The following SEMA3B variants were observed in gnomAD, a reference collection of about 807,000 sequenced individuals.
The protein encoded by SEMA3B is semaphorin-3B.
SEMA3B carries 71 observed loss-of-function variants against 77.8 expected under a neutral mutation model. That is an observed-to-expected ratio of 0.91 (90% CI 0.75 to 1.11). The LOEUF (loss-of-function observed/expected upper bound fraction) is 1.11, where lower values mean the gene tolerates loss of function less well. Ranked by LOEUF, SEMA3B falls within the 50% of genes most tolerant of loss-of-function variation. The pLI is 0.00. For missense variants in SEMA3B, 968 were observed against 1,056.8 expected, an observed-to-expected ratio of 0.92 and a Z score of 1.17; for synonymous variants, 470 against 452.9, an observed-to-expected ratio of 1.04 and a Z score of -0.48.
chr3:50,276,941 G>A lies in SEMA3B; in HGVS notation c.*235G>A. On this transcript the variant is annotated 3_prime_UTR_variant, in exon 17 of 17. Transcript: ENST00000616701. This position sits in a 1 kb window ranked among gnomAD's most constrained non-coding sequence, Gnocchi z 5.8. ...CACAGGTCGGGCGCAGGATTCAGCC[G>A]GAGGGAAGGGACGGGGAAGCCGAGC... The A allele has an allele frequency of 2.1e-6, 1 of 484,822 alleles. No individual in the cohort carries two copies. The highest frequency in any genetic ancestry group is 3.5e-6 in the Non-Finnish European group (1 of 287,050). The allele number at this position is 484,822 out of a possible 1,614,324, so 30.0% of individuals were successfully genotyped here. A position where few individuals can be genotyped will look rare whatever the true frequency, so the allele number is the denominator to read the frequency against.
intron 6 of SEMA3B, among the ~76,000 whole-genome samples, chr3:50,272,798 C>T (rs1553705576): frequency 2.0e-5 from 3 of 150,138 alleles, no homozygotes; most frequent in African/African-American, 7.4e-5. Flanking sequence ...GAGCCGAGAT[C>T]GAGCACTCCA....
intron 6 of SEMA3B, among the ~76,000 whole-genome samples, chr3:50,272,869 A>ATAAT (rs1169460186): frequency 6.7e-6 from 1 of 150,050 alleles, no homozygotes; most frequent in South Asian, 2.1e-4. Context: ...AATAATAATA[A>ATAAT]TAATAATAAT....
In SEMA3B at chr3:50,275,569, G is replaced by T. The variant is rs1244787554; in HGVS notation, c.1659G>T (p.Arg553=). The T allele has an allele frequency of 8.1e-6, 13 of 1,613,524 alleles. No homozygotes were observed. Among genetic ancestry groups the T allele is most frequent in the Non-Finnish European group, 1.1e-5 (13 of 1,179,890 alleles). ...CGGATGTTCCCCACAGGCGGTTCCG[G>T]CGGCAAGACGTAAGGAATGGCGACC... ...RFQPSAKRRF[R]RQDVRNGDPS... Residue 553 remains arginine (R), a synonymous_variant, in exon 15 of 17, where the codon CGG becomes CGT. Coordinates refer to ENST00000616701, the MANE Select transcript of SEMA3B (RefSeq NM_001290060.2). The surrounding 1 kb of genome is among the most constrained non-coding windows in gnomAD (Gnocchi z 7.5).
chr3:50,269,155 T>C lies in SEMA3B; in HGVS notation c.-86T>C. The C allele has an allele frequency of 2.0e-6, 2 of 1,024,528 alleles. No homozygotes were observed. The highest frequency in any genetic ancestry group is 5.2e-5 in the East Asian group (2 of 38,364). The allele number at this position is 1,024,528 out of a possible 1,614,324, so 63.5% of individuals were successfully genotyped here. A position where few individuals can be genotyped will look rare whatever the true frequency, so the allele number is the denominator to read the frequency against. ...CCCTCGCCCTCACTGCTGACTCCTC[T>C]TCCAGATCCTGGGGCAGAGTCCAGG... is the stretch of plus-strand genomic sequence containing the variant. On this transcript the variant is annotated 5_prime_UTR_variant, in exon 1 of 17. Transcript: ENST00000616701. The surrounding 1 kb of genome is among the most constrained non-coding windows in gnomAD (Gnocchi z 4.0).
At chr3:50,272,855 A>AATAATAAT (rs375252497) in intron 6 of SEMA3B, among the ~76,000 whole-genome samples, 3 of 145,584 alleles carry the variant, frequency 2.1e-5, no homozygotes, top group Non-Finnish European at 3.0e-5. Flanking sequence ...ATAAATAAAC[A>AATAATAAT]AATAATAATA....
rs1553705073 is a variant in SEMA3B at position 50,270,086 on chromosome 3, C to T, written c.110-41C>T. The T allele has an allele frequency of 1.3e-6, 2 of 1,495,030 alleles. No individual in the cohort carries two copies. Among genetic ancestry groups the T allele is most frequent in the Middle Eastern group, 2.3e-4 (1 of 4,328 alleles). The allele number at this position is 1,495,030 out of a possible 1,614,324, so 92.6% of individuals were successfully genotyped here. A position where few individuals can be genotyped will look rare whatever the true frequency, so the allele number is the denominator to read the frequency against. On this transcript the variant is annotated intron_variant, in intron 1 of 16. Coordinates refer to ENST00000616701, the MANE Select transcript of SEMA3B (RefSeq NM_001290060.2). This position sits in a 1 kb window ranked among gnomAD's most constrained non-coding sequence, Gnocchi z 4.7. ...CCAGGCAGGACCTGGGGGAGGCTTC[C>T]AGCATGGCTGGCGAGTCATCAGCAG...
chr3:50,263,314 ATAG>A, upstream of SEMA3B: 5 of 151,846 alleles, frequency 3.3e-5, no homozygotes, highest in African/African-American at 7.3e-5. Flanking sequence ...CCTGGGCAAC[ATAG>A]TGAGACCTCC....
upstream of SEMA3B, among the ~76,000 whole-genome samples, chr3:50,264,948 G>A (rs968651185): frequency 2.6e-5 from 4 of 152,266 alleles, no homozygotes; most frequent in Non-Finnish European, 2.9e-5. Flanking sequence ...GCGGGGGTAG[G>A]GCCACAGCCA....
Position 50,273,609 on chromosome 3 carries a change from G to T in SEMA3B, c.885G>T (p.Val295=). The T allele has an allele frequency of 6.2e-7, 1 of 1,612,624 alleles. No homozygotes were observed. The highest frequency in any genetic ancestry group is 8.5e-7 in the Non-Finnish European group (1 of 1,179,690). The change falls in exon 8 of 17, where the codon GTG becomes GTT. Residue 295 remains valine, a synonymous_variant. Coordinates refer to ENST00000616701, the MANE Select transcript of SEMA3B (RefSeq NM_001290060.2). This position sits in a 1 kb window ranked among gnomAD's most constrained non-coding sequence, Gnocchi z 6.5. ...TFLKARLVCS[V]PGVEGDTHFD... Reference sequence around the variant, plus strand: ...TGAAGGCGCGGCTGGTGTGCTCGGTGCCCGGCGTCGAGGGCGACACCCACT... The same window carrying T: ...TGAAGGCGCGGCTGGTGTGCTCGGTTCCCGGCGTCGAGGGCGACACCCACT...
At position 50,274,716 on chromosome 3, in the gene SEMA3B, C is replaced by A. The variant is rs987803192; in HGVS notation, c.1358-127C>A. On this transcript the variant is annotated intron_variant, in intron 11 of 16. Transcript: ENST00000616701. This position sits in a 1 kb window ranked among gnomAD's most constrained non-coding sequence, Gnocchi z 4.7. ...CTCCACCCTGTGGATGCTGCCCAAC[C>A]CACACTCTTCCAGTCCACACTCTTC... The A allele has an allele frequency of 7.2e-7, 1 of 1,384,172 alleles. No homozygotes were observed. The highest frequency in any genetic ancestry group is 1.0e-6 in the Non-Finnish European group (1 of 1,004,916). The allele number at this position is 1,384,172 out of a possible 1,614,324, so 85.7% of individuals were successfully genotyped here. A position where few individuals can be genotyped will look rare whatever the true frequency, so the allele number is the denominator to read the frequency against.
Position 50,275,833 on chromosome 3 carries a change from G to T in SEMA3B, c.1834G>T (p.Ala612Ser). Reference sequence around the variant, plus strand: ...GACTTTCCAGCGCGCAGGGGTGACAGCCCACACCCAGGTGAGCCTTACTCC... The same window carrying T: ...GACTTTCCAGCGCGCAGGGGTGACATCCCACACCCAGGTGAGCCTTACTCC... Reference protein sequence around the residue: ...EWTFQRAGVTAHTQVLAEERT... With the variant: ...EWTFQRAGVTSHTQVLAEERT... Residue 612 changes from alanine to serine, a missense_variant, in exon 16 of 17, where the codon GCC becomes TCC. Ala to Ser is a moderately conservative substitution (Grantham distance 99, BLOSUM62 1). Coordinates refer to ENST00000616701, the MANE Select transcript of SEMA3B (RefSeq NM_001290060.2). The surrounding 1 kb of genome is among the most constrained non-coding windows in gnomAD (Gnocchi z 7.5). 6.2e-7 allele frequency: 1 copy of T among 1,603,222 alleles called. No homozygotes were observed.
the SEMA3B span, chr3:50,261,127 C>G: frequency 6.6e-6 from 1 of 152,274 alleles, no homozygotes; most frequent in Admixed American, 6.5e-5. Flanking sequence ...ATTCATCAAC[C>G]CTCAGGAGCA....
rs1213032248 is a variant in SEMA3B, at chr3:50,270,022, G to T, written c.110-105G>T. 5 of 1,260,322 alleles carry T rather than the reference G, an allele frequency of 4.0e-6. No homozygotes were observed. The African/African-American group carries it at 4.5e-5, about 11-fold the overall frequency. 78.1% of individuals were successfully genotyped at this position (1,260,322 alleles called of 1,614,324 possible). ...CACATGTAAACTCACATGTGTACAG[G>T]CCAGGTCCTAATGGCAACCTTGGCC... is the stretch of plus-strand genomic sequence containing the variant. On this transcript the variant is annotated intron_variant, in intron 1 of 16. Coordinates refer to ENST00000616701, the MANE Select transcript of SEMA3B (RefSeq NM_001290060.2). The surrounding 1 kb of genome is among the most constrained non-coding windows in gnomAD (Gnocchi z 4.7).
Position 50,270,387 on chromosome 3 carries a change from T to C in SEMA3B, c.268-46T>C, listed in dbSNP as rs1701014515. On this transcript the variant is annotated intron_variant, in intron 2 of 16. Coordinates refer to ENST00000616701, the MANE Select transcript of SEMA3B (RefSeq NM_001290060.2). The surrounding 1 kb of genome is among the most constrained non-coding windows in gnomAD (Gnocchi z 4.7). ...GAATGGCTCCCTGAGGTAGAGAATA[T>C]CCCAAGTTCCTGACCTGTGTCCCCT... The C allele has an allele frequency of 6.2e-7, 1 of 1,612,416 alleles. No individual in the cohort carries two copies. Among genetic ancestry groups the C allele is most frequent in the Non-Finnish European group, 8.5e-7 (1 of 1,178,888 alleles).
At position 50,273,089 on chromosome 3, in the gene SEMA3B, C is replaced by A; in HGVS notation, c.665-209C>A. On this transcript the variant is annotated intron_variant, in intron 6 of 16. Transcript: ENST00000616701. The surrounding 1 kb of genome is among the most constrained non-coding windows in gnomAD (Gnocchi z 6.5). ...CCAGGTAGCCACGGTCTCTGCTGCC[C>A]CCTCGCGGCTGCTTCTTGCCTCGCA... 1.4e-6 allele frequency: 1 copy of A among 711,008 alleles called. No individual in the cohort carries two copies. The highest frequency in any genetic ancestry group is 3.0e-5 in the East Asian group (1 of 32,996). 44.0% of individuals were successfully genotyped at this position (711,008 alleles called of 1,614,324 possible).
rs2269431 is a variant in SEMA3B, at chr3:50,273,890, C to T, written c.993-23C>T. 1.9e-3 allele frequency: 3,031 copies of T among 1,585,360 alleles called. 121 individuals are homozygous for T. In the East Asian group the frequency reaches 0.062, roughly 32 times the overall value. On this transcript the variant is annotated intron_variant, in intron 9 of 16. Transcript: ENST00000616701. This position sits in a 1 kb window ranked among gnomAD's most constrained non-coding sequence, Gnocchi z 6.5. ...CGCTGGGCTCCACCCGGCCCCTCACCTCGCCCTGGTCTTCGCCTCCAGCAG... is the reference window on the plus strand; with the variant it reads ...CGCTGGGCTCCACCCGGCCCCTCACTTCGCCCTGGTCTTCGCCTCCAGCAG...
At position 50,270,421 on chromosome 3, in the gene SEMA3B, A is replaced by T. The variant is rs782045753; in HGVS notation, c.268-12A>T. The stretch of plus-strand genomic sequence containing the variant: ...CCTGACCTGTGTCCCCTCTCCCCCA[A>T]CCTCCCGATAGCTGGCCTGGCCGGC... On this transcript the variant is annotated splice_polypyrimidine_tract_variant and intron_variant, in intron 2 of 16. Coordinates refer to ENST00000616701, the MANE Select transcript of SEMA3B (RefSeq NM_001290060.2). This position sits in a 1 kb window ranked among gnomAD's most constrained non-coding sequence, Gnocchi z 4.7. 4 of 1,613,396 alleles carry T rather than the reference A, an allele frequency of 2.5e-6. No individual in the cohort carries two copies. The highest frequency in any genetic ancestry group is 1.3e-5 in the African/African-American group (1 of 74,916).
chr3:50,270,679 G>A lies in SEMA3B; in HGVS notation c.330+184G>A. The A allele has an allele frequency of 2.6e-6, 3 of 1,150,422 alleles. 1 individual carries two copies. The allele number at this position is 1,150,422 out of a possible 1,614,324, so 71.3% of individuals were successfully genotyped here. On this transcript the variant is annotated intron_variant, in intron 3 of 16. Coordinates refer to ENST00000616701, the MANE Select transcript of SEMA3B (RefSeq NM_001290060.2). The surrounding 1 kb of genome is among the most constrained non-coding windows in gnomAD (Gnocchi z 4.7). ...TGTAATTCTTCTGGGGTGCCTCTGAGTCATGGGAGGCTTTGCAGGCCTGTG... is the reference window on the plus strand; with the variant it reads ...TGTAATTCTTCTGGGGTGCCTCTGAATCATGGGAGGCTTTGCAGGCCTGTG...
At chr3:50,272,521 G>T (rs946692609) in intron 6 of SEMA3B, among the ~76,000 whole-genome samples, 4 of 152,094 alleles carry the variant, frequency 2.6e-5, no homozygotes, top group Admixed American at 6.6e-5. Flanking sequence ...GACCAGCCTG[G>T]CCAACATGGT....
Sources: gnomAD v4.1 joint callset for allele counts (sites outside exome capture counted in the v4.1 genomes callset) on GRCh38, gnomAD v4.1.1 for gene constraint, Gnocchi (gnomAD v3.1) non-coding constraint, MANE v1.5 for transcripts, NCBI Gene and HGNC (gene_info 2026-07-23, HGNC 2026-07-21) for gene names.